NOP58: variants seen among roughly 807,000 people sequenced by gnomAD.
NOP58 encodes the protein NOP58 ribonucleoprotein, also known as nucleolar protein 58.
A neutral mutation model predicts 71.2 loss-of-function variants in NOP58; 44 were observed. The ratio of observed to expected loss-of-function variants is 0.62; its 90% confidence interval spans 0.49 to 0.79. The LOEUF (loss-of-function observed/expected upper bound fraction) is 0.79. NOP58 is among the 30% of genes least tolerant of loss of function. The probability of loss-of-function intolerance (pLI) is 0.00; values close to 1 mark genes in which losing one functional copy is unlikely to be tolerated. For synonymous variants in NOP58, 228 were observed against 200.3 expected, an observed-to-expected ratio of 1.14 and a Z score of -1.17; for missense variants, 538 against 620.2, an observed-to-expected ratio of 0.87 and a Z score of 1.41.
At chr2:202,266,301 AT>A (rs113536654) in intron 1 of NOP58, among the ~76,000 whole-genome samples, 286 of 145,036 alleles carry the variant, frequency 2.0e-3, no homozygotes, top group Middle Eastern at 3.5e-3. Context: ...TGATCGAAAG[AT>A]TTTTTTTTTT....
At chr2:202,303,357 T>G in intron 14 of NOP58, 29 bp from the exon 15 acceptor site, 1 of 1,610,806 alleles carries the variant, frequency 6.2e-7, no homozygotes, top group Non-Finnish European at 8.5e-7. Flanking sequence ...TTTCAGCTCT[T>G]TCAAAGCATT....
chr2:202,280,538 G>T (rs961743898), intron 3 of NOP58, among the ~76,000 whole-genome samples: 6 of 152,044 alleles, frequency 3.9e-5, no homozygotes, highest in Admixed American at 1.3e-4. Context: ...TTGCCTGTTG[G>T]CCAGGCTGCT....
chr2:202,287,417 A>C (rs1306304211), intron 5 of NOP58, among the ~76,000 whole-genome samples: 1 of 151,282 alleles, frequency 6.6e-6, no homozygotes, highest in African/African-American at 2.4e-5. Context: ...TCATACATAA[A>C]CTCATTCATG....
At chr2:202,274,988 A>T (rs1348789252) in intron 1 of NOP58, 125 bp from the exon 2 acceptor site, 2 of 560,784 alleles carry the variant, frequency 3.6e-6, no homozygotes, top group African/African-American at 4.4e-5. Flanking sequence ...AAACTAGTTC[A>T]TTATCTTAGT....
rs750188563 is a variant in NOP58 at position 202,284,405 on chromosome 2, C to T, written c.358C>T (p.Arg120Cys). ...TGTTAATGAACTTATGAGAGGAATTCGTTCACAAATGGATGGATTAATCCC... is the reference window on the plus strand; with the variant it reads ...TGTTAATGAACTTATGAGAGGAATTTGTTCACAAATGGATGGATTAATCCC... ...PVVNELMRGIRSQMDGLIPGV... is the reference protein window; with the variant it reads ...PVVNELMRGICSQMDGLIPGV... Residue 120 changes from arginine to cysteine, a missense_variant, in exon 5 of 15, where the codon CGT becomes TGT. Coordinates refer to ENST00000264279, the MANE Select transcript of NOP58 (RefSeq NM_015934.5). 2.5e-6 allele frequency: 4 copies of T among 1,613,134 alleles called. No homozygotes were observed. Among genetic ancestry groups the T allele is most frequent in the Admixed American group, 1.7e-5 (1 of 59,980 alleles).
chr2:202,276,876 C>T (rs1486151790), intron 2 of NOP58, among the ~76,000 whole-genome samples: 10 of 152,156 alleles, frequency 6.6e-5, no homozygotes, highest in Admixed American at 5.9e-4. Context: ...CGGTGGCTCA[C>T]GCTTGTAATC....
chr2:202,277,904 G>A (rs1574378895), intron 2 of NOP58, 46 bp from the exon 3 acceptor site: 2 of 988,206 alleles, frequency 2.0e-6, no homozygotes, highest in Non-Finnish European at 3.2e-6. Context: ...TTGAATCAAC[G>A]CACTGCCCCC....
intron 13 of NOP58, 46 bp from the exon 14 acceptor site, chr2:202,302,875 C>G: frequency 2.6e-6 from 4 of 1,567,456 alleles, no homozygotes; most frequent in Non-Finnish European, 3.4e-6. Flanking sequence ...GGAATGAGAT[C>G]TGATACAGTG....
intron 7 of NOP58, 60 bp from the exon 8 acceptor site, chr2:202,291,065 T>C (rs1574385434): frequency 1.4e-6 from 2 of 1,423,044 alleles, no homozygotes; most frequent in East Asian, 2.4e-5. Context: ...GACTATTTGC[T>C]GGATTTTATA....
chr2:202,287,956 C>A (rs917442177), intron 6 of NOP58, among the ~76,000 whole-genome samples: 38 of 151,592 alleles, frequency 2.5e-4, no homozygotes, highest in African/African-American at 8.7e-4. Context: ...ACTAAAAATA[C>A]AAAAAAAATT....
At chr2:202,287,748 C>A in intron 6 of NOP58, 24 bp downstream of exon 6, 2 of 1,510,062 alleles carry the variant, frequency 1.3e-6, no homozygotes, top group Non-Finnish European at 1.8e-6. Flanking sequence ...ATGCAAAGTC[C>A]GATTTGTTGC....
At chr2:202,277,898 A>G in intron 2 of NOP58, 52 bp from the exon 3 acceptor site, 1 of 942,660 alleles carries the variant, frequency 1.1e-6, no homozygotes, top group East Asian at 2.4e-5. Flanking sequence ...TGGCTTTTGA[A>G]TCAACGCACT....
At chr2:202,284,591 TGAA>T in intron 5 of NOP58, 110 bp downstream of exon 5, 2 of 1,135,670 alleles carry the variant, frequency 1.8e-6, no homozygotes, top group Non-Finnish European at 2.5e-6. Flanking sequence ...CAGAACCTTA[TGAA>T]GAAGATGATA....
chr2:202,297,567 A>AG, intron 11 of NOP58, 54 bp downstream of exon 11: 1 of 1,551,102 alleles, frequency 6.4e-7, no homozygotes, highest in South Asian at 1.2e-5. Flanking sequence ...AAGTTAATAA[A>AG]CTGAGTAAAT....
intron 3 of NOP58, among the ~76,000 whole-genome samples, chr2:202,279,640 CAAAAATT>C (rs1050008060): frequency 6.6e-6 from 1 of 152,110 alleles, no homozygotes; most frequent in Non-Finnish European, 1.5e-5. Flanking sequence ...ACTGAAATTA[CAAAAATT>C]AGCCGGGTGT....
At chr2:202,273,090 A>C (rs559125515) in intron 1 of NOP58, among the ~76,000 whole-genome samples, 3 of 152,124 alleles carry the variant, frequency 2.0e-5, no homozygotes, top group Non-Finnish European at 4.4e-5. Flanking sequence ...CTGCCATTGC[A>C]CTCCAGCCTG....
intron 1 of NOP58, among the ~76,000 whole-genome samples, chr2:202,268,358 C>T (rs1319824232): frequency 1.3e-5 from 2 of 151,836 alleles, no homozygotes; most frequent in Admixed American, 6.6e-5. Context: ...CATGGTGAAA[C>T]CCCGTCTCTA....
intron 13 of NOP58, among the ~76,000 whole-genome samples, chr2:202,302,687 C>T (rs752090444): frequency 5.9e-5 from 9 of 152,134 alleles, no homozygotes; most frequent in Non-Finnish European, 1.3e-4. Flanking sequence ...TTGTTTTAAT[C>T]CTGATTTTTA....
rs1200444353 is a variant in NOP58, at chr2:202,299,857, T to TTC, written c.1269-376_1269-375insCT. On this transcript the variant is annotated intron_variant, in intron 12 of 14. Transcript: ENST00000264279. ...TTTTGTTCTGCTTTTTTTTTTTTTT[T>TTC]TTTCCCCCATTGAGCAGTGTTCTGA... 3 of 153,140 alleles carry TTC rather than the reference T, an allele frequency of 2.0e-5. No individual in the cohort carries two copies. The Admixed American group carries it at 2.0e-4, about 10-fold the overall frequency. 9.5% of individuals were successfully genotyped at this position (153,140 alleles called of 1,614,324 possible).
Sources: allele counts gnomAD v4.1 joint callset (sites outside exome capture counted in the v4.1 genomes callset), GRCh38; gene constraint gnomAD v4.1.1; transcripts MANE v1.5; gene names NCBI Gene and HGNC (gene_info 2026-07-23, HGNC 2026-07-21).